The following MOBP variants were observed in gnomAD, a reference collection of about 807,000 sequenced individuals.
The protein encoded by MOBP is myelin associated oligodendrocyte basic protein, also known as myelin-associated oligodendrocyte basic protein.
MOBP carries 5 observed loss-of-function variants against 15.0 expected under a neutral mutation model. That is an observed-to-expected ratio of 0.33 (90% CI 0.17 to 0.70). MOBP has a LOEUF of 0.70. MOBP is among the 30% of genes least tolerant of loss of function. MOBP has a pLI of 0.67. For missense variants in MOBP, 188 were observed against 257.8 expected (o/e 0.73, Z 1.85); for synonymous variants, 88 against 99.0 (o/e 0.89, Z 0.66).
chr3:39,519,387 C>G (rs2043239115), downstream of MOBP, among the ~76,000 whole-genome samples: 1 of 152,186 alleles, frequency 6.6e-6, no homozygotes, highest in African/African-American at 2.4e-5. Context: ...CATTTATTTT[C>G]AACTAGAGCT....
At chr3:39,504,650 A>G (rs3772153), downstream of MOBP, among the ~76,000 whole-genome samples, 3 of 152,322 alleles carry the variant, frequency 2.0e-5, no homozygotes, top group South Asian at 2.1e-4. Flanking sequence ...CTTGAGTCCT[A>G]TTTGAGATAT....
At chr3:39,529,439 G>A (rs1176102257), downstream of MOBP, 2 of 152,148 alleles carry the variant, frequency 1.3e-5, no homozygotes, top group African/African-American at 4.8e-5. Flanking sequence ...GCCAGTTGAT[G>A]TCTGTAAGAA....
At chr3:39,484,571 C>G (rs2042674498) in intron 2 of MOBP, among the ~76,000 whole-genome samples, 1 of 152,150 alleles carries the variant, frequency 6.6e-6, no homozygotes, top group Non-Finnish European at 1.5e-5. Flanking sequence ...CATCCACATA[C>G]AATTCCAGGG....
chr3:39,525,731 CCAGATGAGATACAGCT>C (rs372620239), downstream of MOBP: 21 of 152,970 alleles, frequency 1.4e-4, no homozygotes, highest in African/African-American at 4.8e-4. Flanking sequence ...AGTGATAGAT[CCAGATGAGATACAGCT>C]CAGAGTGCCA....
chr3:39,507,793 T>C (rs2043065937), downstream of MOBP, among the ~76,000 whole-genome samples: 3 of 152,230 alleles, frequency 2.0e-5, no homozygotes, highest in South Asian at 6.2e-4. Flanking sequence ...CCAACTTGTT[T>C]GCCAAATGCC....
chr3:39,487,460 T>A (rs1340681129), intron 2 of MOBP, among the ~76,000 whole-genome samples: 3 of 151,992 alleles, frequency 2.0e-5, no homozygotes, highest in Admixed American at 1.3e-4. Context: ...TATTGCTTAG[T>A]AATGTGTTTG....
chr3:39,493,047 T>G (rs986245343), intron 2 of MOBP, among the ~76,000 whole-genome samples: 3 of 152,224 alleles, frequency 2.0e-5, no homozygotes, highest in African/African-American at 7.2e-5. Flanking sequence ...CACTTGCATT[T>G]TCTTTCCTTT....
intron 2 of MOBP, among the ~76,000 whole-genome samples, chr3:39,491,787 G>A (rs1056881635): frequency 1.3e-5 from 2 of 152,204 alleles, no homozygotes; most frequent in Non-Finnish European, 2.9e-5. Context: ...AAGAGAAAAA[G>A]CAAGAGAGAG....
At chr3:39,524,784 G>A (rs1412384557) in exon 5 of MOBP, 2 of 152,080 alleles carry the variant, frequency 1.3e-5, no homozygotes, top group African/African-American at 4.8e-5. Context: ...ATAGGAGAGA[G>A]ATCATGAGAA....
chr3:39,479,786 A>C (rs957603655), intron 1 of MOBP, among the ~76,000 whole-genome samples: 11 of 151,516 alleles, frequency 7.3e-5, no homozygotes, highest in African/African-American at 2.7e-4. Flanking sequence ...CTATATAATG[A>C]CAGTGAATTA....
chr3:39,504,059 G>A (rs920059457), downstream of MOBP, among the ~76,000 whole-genome samples: 2 of 152,186 alleles, frequency 1.3e-5, no homozygotes, highest in Non-Finnish European at 2.9e-5. Context: ...CAGATTATTT[G>A]TGATGTGAGG....
chr3:39,511,161 A>G (rs2043114730), intron 4 of MOBP, among the ~76,000 whole-genome samples: 1 of 152,228 alleles, frequency 6.6e-6, no homozygotes, highest in Admixed American at 6.5e-5. Flanking sequence ...GTTATGAGAG[A>G]TGGTTACCAA....
At chr3:39,503,633 C>T (rs979683826), downstream of MOBP, among the ~76,000 whole-genome samples, 1 of 149,792 alleles carries the variant, frequency 6.7e-6, no homozygotes, top group Non-Finnish European at 1.5e-5. Context: ...TATTCTTGCC[C>T]CAATACACAC....
downstream of MOBP, among the ~76,000 whole-genome samples, chr3:39,517,996 CCTTA>C (rs929841240): frequency 2.0e-5 from 3 of 152,160 alleles, no homozygotes; most frequent in East Asian, 1.9e-4. Context: ...TAAGTAGTGG[CCTTA>C]CTTCATAGCA....
intron 2 of MOBP, among the ~76,000 whole-genome samples, chr3:39,485,853 G>A (rs2042699515): frequency 6.6e-6 from 1 of 152,282 alleles, no homozygotes; most frequent in African/African-American, 2.4e-5. Flanking sequence ...GCCTTTCTCT[G>A]AGTACTACAT....
intron 2 of MOBP, among the ~76,000 whole-genome samples, chr3:39,480,566 T>C (rs937627245): frequency 6.6e-6 from 1 of 152,198 alleles, no homozygotes; most frequent in African/African-American, 2.4e-5. Context: ...TCCAGGTAGC[T>C]CCAGGTTTGA....
chr3:39,482,268 G>A (rs2042639155), intron 2 of MOBP, among the ~76,000 whole-genome samples: 2 of 152,024 alleles, frequency 1.3e-5, no homozygotes, highest in African/African-American at 2.4e-5. Flanking sequence ...GGAATATTTT[G>A]TCACCACCTT....
chr3:39,513,379 C>A, intron 4 of MOBP: 1 of 1,613,662 alleles, frequency 6.2e-7, no homozygotes, highest in East Asian at 2.2e-5. Flanking sequence ...TCTTTGTAAA[C>A]CAGATTGAAA....
At chr3:39,488,614 C>T (rs2042749966) in intron 2 of MOBP, among the ~76,000 whole-genome samples, 1 of 152,198 alleles carries the variant, frequency 6.6e-6, no homozygotes, top group Non-Finnish European at 1.5e-5. Context: ...AGTAGGTGCT[C>T]AATTAATATT....
Sources: gnomAD v4.1 joint callset for allele counts (sites outside exome capture counted in the v4.1 genomes callset) on GRCh38, gnomAD v4.1.1 for gene constraint, MANE v1.5 for transcripts, NCBI Gene and HGNC (gene_info 2026-07-23, HGNC 2026-07-21) for gene names.